The following ENOSF1 variants were observed in gnomAD, a reference collection of about 807,000 sequenced individuals.
ENOSF1 encodes the protein mitochondrial enolase superfamily member 1.
Under a neutral mutation model 68.2 loss-of-function variants are expected in ENOSF1, and 73 were observed. The observed-to-expected ratio is 1.07, with a 90% CI of 0.89 to 1.30. The LOEUF is 1.30. Ranked by LOEUF, ENOSF1 falls within the 50% of genes most tolerant of loss-of-function variation. ENOSF1 has a pLI of 0.00. For missense variants in ENOSF1, 589 were observed against 554.5 expected (o/e 1.06, Z -0.62); for synonymous variants, 223 against 210.4 (o/e 1.06, Z -0.52).
chr18:690,679 C>A (rs367958424), intron 7 of ENOSF1, 48 bp from the exon 8 acceptor site: 1 of 1,265,940 alleles, frequency 7.9e-7, no homozygotes, highest in African/African-American at 1.9e-5. Context: ...CAGGGCCCTT[C>A]GGAATTGGAA....
downstream of ENOSF1, among the ~76,000 whole-genome samples, chr18:668,015 G>A (rs1475726331): frequency 1.5e-5 from 1 of 65,002 alleles, no homozygotes; most frequent in African/African-American, 1.2e-4. Flanking sequence ...TTTTTTTAAT[G>A]CACAGAAAGT....
chr18:678,975 C>CT (rs1275604397), intron 11 of ENOSF1, among the ~76,000 whole-genome samples: 1 of 152,162 alleles, frequency 6.6e-6, no homozygotes. Flanking sequence ...GACCAGGGCT[C>CT]TGCAGATCTC....
downstream of ENOSF1, among the ~76,000 whole-genome samples, chr18:670,045 ATTTT>A (rs34118802): frequency 2.2e-5 from 3 of 138,566 alleles, no homozygotes; most frequent in South Asian, 4.6e-4. Context: ...ATAGAGACTT[ATTTT>A]TTTTTTTTTT....
In ENOSF1 at chr18:671,702, T is replaced by G; in HGVS notation, c.*2603A>C. The stretch of plus-strand genomic sequence containing the variant: ...AGTACCAGAGAGGGAAGAGCCACAT[T>G]CAAGCCAGGGGATTGTCCAAAAGGG... On this transcript the variant is annotated 3_prime_UTR_variant, in exon 16 of 16. Transcript: ENST00000647584. The G allele has an allele frequency of 2.0e-6, 1 of 512,430 alleles. No homozygotes were observed. Among genetic ancestry groups the G allele is most frequent in the Non-Finnish European group, 3.4e-6 (1 of 294,122 alleles). 31.7% of individuals were successfully genotyped at this position (512,430 alleles called of 1,614,324 possible). A position where few individuals can be genotyped will look rare whatever the true frequency, so the allele number is the denominator to read the frequency against.
chr18:680,205 C>G (rs912602854), intron 11 of ENOSF1, among the ~76,000 whole-genome samples: 1 of 152,224 alleles, frequency 6.6e-6, no homozygotes. Flanking sequence ...GATGTGTGGC[C>G]TTGGGCAAGC....
intron 3 of ENOSF1, 115 bp from the exon 4 acceptor site, chr18:694,449 G>A: frequency 2.3e-6 from 2 of 865,810 alleles, no homozygotes; most frequent in Non-Finnish European, 3.6e-6. Context: ...TGGCCAACAT[G>A]GTGAAACCCC....
At position 693,915 on chromosome 18, in the gene ENOSF1, G is replaced by A. The variant is rs1394791939; in HGVS notation, c.397-7C>T. 1.2e-6 allele frequency: 2 copies of A among 1,613,796 alleles called. No individual in the cohort carries two copies. Among genetic ancestry groups the A allele is most frequent in the Non-Finnish European group, 8.5e-7 (1 of 1,179,966 alleles). ...CAAGTAACTTCCAGACAGGCTTGAA[G>A]TAAAAAAGAAAGGATTTGTAAGACA... On this transcript the variant is annotated splice_region_variant and splice_polypyrimidine_tract_variant and intron_variant, in intron 4 of 15. Coordinates refer to ENST00000647584, the MANE Select transcript of ENOSF1 (RefSeq NM_017512.7).
At chr18:689,779 C>T (rs2606253) in intron 8 of ENOSF1, among the ~76,000 whole-genome samples, 50,612 of 151,958 alleles carry the variant, frequency 0.33, 8,748 homozygotes, top group Non-Finnish European at 0.37. Context: ...TGTACGTGAA[C>T]GAGAGAGCCC....
downstream of ENOSF1, chr18:669,133 T>C (rs1297054326): frequency 1.2e-6 from 2 of 1,614,190 alleles, no homozygotes; most frequent in Admixed American, 1.7e-5. Context: ...AAACCAACCC[T>C]GACGACAGAA....
At chr18:669,345 T>A, downstream of ENOSF1, 1 of 529,154 alleles carries the variant, frequency 1.9e-6, no homozygotes, top group Non-Finnish European at 3.4e-6. Context: ...CACCTTCAGA[T>A]CATGAGGTTG....
rs184372518 is a variant in ENOSF1, at chr18:682,929, A to C, written c.876+317T>G. 4 of 236,038 alleles carry C rather than the reference A, an allele frequency of 1.7e-5. No homozygotes were observed. In the Admixed American group the frequency reaches 2.2e-4, roughly 13 times the overall value. 14.6% of individuals were successfully genotyped at this position (236,038 alleles called of 1,614,324 possible). A position where few individuals can be genotyped will look rare whatever the true frequency, so the allele number is the denominator to read the frequency against. Reference sequence around the variant, plus strand: ...AAAAAAACCACCAAAAAACAAAAAAAAAAAATGCTGTCACATTTCTGTATT... The same window carrying C: ...AAAAAAACCACCAAAAAACAAAAAACAAAAATGCTGTCACATTTCTGTATT... On this transcript the variant is annotated intron_variant, in intron 11 of 15. Transcript: ENST00000647584.
chr18:690,963 CA>C (rs968044647), intron 7 of ENOSF1, 104 bp downstream of exon 7: 1 of 1,348,090 alleles, frequency 7.4e-7, no homozygotes, highest in African/African-American at 1.4e-5. Context: ...CCTAGCTGCT[CA>C]GCACAGGGCA....
intron 11 of ENOSF1, among the ~76,000 whole-genome samples, chr18:681,114 G>A (rs1303180817): frequency 3.9e-5 from 6 of 152,226 alleles, no homozygotes; most frequent in Non-Finnish European, 7.4e-5. Flanking sequence ...CACCCACCTC[G>A]GCCTCCCAAA....
At chr18:688,103 C>G (rs2606255) in intron 9 of ENOSF1, 105,181 of 155,022 alleles carry the variant, frequency 0.68, 36,726 homozygotes, top group East Asian at 0.86. Context: ...GGAGGTGGAG[C>G]TTGCACTGAG....
chr18:710,061 CA>C (rs1445702904), intron 1 of ENOSF1, among the ~76,000 whole-genome samples: 2 of 152,204 alleles, frequency 1.3e-5, no homozygotes, highest in South Asian at 4.1e-4. Context: ...CTGTGTTAGA[CA>C]TCACTCAGGC....
chr18:665,415 A>G (rs1349340771), downstream of ENOSF1, among the ~76,000 whole-genome samples: 1 of 150,702 alleles, frequency 6.6e-6, no homozygotes, highest in Admixed American at 6.6e-5. Flanking sequence ...CTTTTTCTTT[A>G]TTAGTCTTGC....
At chr18:677,239 C>T (rs552974051) in intron 14 of ENOSF1, 106 bp downstream of exon 14, 2 of 890,292 alleles carry the variant, frequency 2.2e-6, no homozygotes, top group South Asian at 1.6e-5. Context: ...GACATGCCAG[C>T]GGACAAGGTC....
chr18:681,743 T>G (rs1259603530), intron 11 of ENOSF1, among the ~76,000 whole-genome samples: 1 of 152,216 alleles, frequency 6.6e-6, no homozygotes, highest in African/African-American at 2.4e-5. Flanking sequence ...CAATGAACTT[T>G]TCTACTGTGC....
At position 679,626 on chromosome 18, in the gene ENOSF1, G is replaced by T. The variant is rs185970536; in HGVS notation, c.877-889C>A. On this transcript the variant is annotated intron_variant, in intron 11 of 15. Coordinates refer to ENST00000647584, the MANE Select transcript of ENOSF1 (RefSeq NM_017512.7). The stretch of plus-strand genomic sequence containing the variant: ...GCCTCAGACCTCAATCTGCAGGTTA[G>T]GCTGAGACCATTGCTCACCTGGTAG... Among the ~76,000 whole-genome samples the T allele has an allele frequency of 2.0e-5, 3 of 152,018 alleles. No individual in the cohort carries two copies. The East Asian group carries it at 5.8e-4, about 30-fold the overall frequency.
Sources: gnomAD v4.1 joint callset for allele counts (sites outside exome capture counted in the v4.1 genomes callset) on GRCh38, gnomAD v4.1.1 for gene constraint, MANE v1.5 for transcripts, NCBI Gene and HGNC (gene_info 2026-07-23, HGNC 2026-07-21) for gene names.